Variants in BRD7 observed in about 807,000 individuals in gnomAD.
BRD7 encodes the protein bromodomain containing 7.
A neutral mutation model predicts 82.1 loss-of-function variants in BRD7; 15 were observed. The observed-to-expected ratio is 0.18, with a 90% CI of 0.12 to 0.28. The LOEUF (loss-of-function observed/expected upper bound fraction) is 0.28, where lower values mean the gene tolerates loss of function less well. Among genes scored for constraint, BRD7 ranks in the 10% least tolerant of loss-of-function variants. The pLI is 1.00. For missense variants in BRD7, 638 were observed against 779.9 expected (o/e 0.82, Z 2.17); for synonymous variants, 232 against 266.9 (o/e 0.87, Z 1.27).
At chr16:50,368,377 C>A in intron 1 of BRD7, 79 bp from the exon 2 acceptor site, 2 of 1,452,948 alleles carry the variant, frequency 1.4e-6, no homozygotes, top group Non-Finnish European at 1.9e-6. Context: ...GGATGCAGAG[C>A]GCCAAGGCGC....
At chr16:50,346,766 C>T (rs983044336) in intron 5 of BRD7, among the ~76,000 whole-genome samples, 1 of 151,642 alleles carries the variant, frequency 6.6e-6, no homozygotes, top group Non-Finnish European at 1.5e-5. Flanking sequence ...GAAATTGAGG[C>T]AATAGCCTAC....
intron 4 of BRD7, among the ~76,000 whole-genome samples, chr16:50,353,073 T>TTC (rs2038599841): frequency 3.6e-5 from 1 of 27,844 alleles, no homozygotes; most frequent in Non-Finnish European, 1.0e-4. Context: ...AGTAAGTTCT[T>TTC]TTTTTTTTTT....
At position 50,317,496 on chromosome 16, in the gene BRD7, T is replaced by C. The variant is rs555646856; in HGVS notation, c.*1715A>G. On this transcript the variant is annotated 3_prime_UTR_variant, in exon 17 of 17. Transcript: ENST00000394688. Reference sequence around the variant, plus strand: ...GGTCAGCATATTTGTACTCTTGGAATATTTGTTTTTTTCTTCAGTAACAAC... The same window carrying C: ...GGTCAGCATATTTGTACTCTTGGAACATTTGTTTTTTTCTTCAGTAACAAC... The C allele has an allele frequency of 1.3e-5, 2 of 152,494 alleles. No homozygotes were observed. Among genetic ancestry groups the C allele is most frequent in the African/African-American group, 4.8e-5 (2 of 41,586 alleles). 9.4% of individuals were successfully genotyped at this position (152,494 alleles called of 1,614,324 possible). A position where few individuals can be genotyped will look rare whatever the true frequency, so the allele number is the denominator to read the frequency against.
At chr16:50,329,471 ATGTGG>A (rs757758405) in intron 8 of BRD7, among the ~76,000 whole-genome samples, 2 of 152,228 alleles carry the variant, frequency 1.3e-5, no homozygotes, top group Non-Finnish European at 2.9e-5. Context: ...AAGCTGGAAC[ATGTGG>A]TGAGCTAGTC....
Position 50,368,159 on chromosome 16 carries a change from C to A in BRD7, c.189G>T (p.Arg63=). 10 of 1,614,086 alleles carry A rather than the reference C, an allele frequency of 6.2e-6. No homozygotes were observed. The highest frequency in any genetic ancestry group is 8.5e-6 in the Non-Finnish European group (10 of 1,179,958). The change falls in exon 2 of 17, where the codon CGG becomes CGT. Residue 63 remains arginine, a synonymous_variant. Coordinates refer to ENST00000394688, the MANE Select transcript of BRD7 (RefSeq NM_013263.5). ...GCTTCTCTCCTTTCTTTCTCTTTTT[C>A]CGCTTTCTGTCCTTGTGTTTGTCAT... ...NDHDKHKDRK[R]KKRKKGEKQI...
At chr16:50,321,515 C>T (rs933180262) in intron 13 of BRD7, among the ~76,000 whole-genome samples, 5 of 135,478 alleles carry the variant, frequency 3.7e-5, no homozygotes, top group Non-Finnish European at 7.6e-5. Flanking sequence ...TGTAGTGAGC[C>T]GAGATTGTGC....
Position 50,354,831 on chromosome 16 carries a change from G to A in BRD7, c.350C>T (p.Pro117Leu). Residue 117 changes from proline to leucine, a missense_variant, in exon 3 of 17, where the codon CCT (proline) becomes CTT (leucine). Around this residue, in one of 3 missense-constraint regions of BRD7, gnomAD observed 172 missense variants for 155.3 expected, o/e 1.11. Transcript: ENST00000394688. ...TAAAGAGCTTGTGAGAGGCTTCTCA[G>A]GAGGCAAGTCTAATCTCACAGGGGC... is the stretch of plus-strand genomic sequence containing the variant. ...CHAPVRLDLP[P>L]EKPLTSSLAK... 6.2e-7 allele frequency: 1 copy of A among 1,612,508 alleles called. No individual in the cohort carries two copies. Among genetic ancestry groups the A allele is most frequent in the Non-Finnish European group, 8.5e-7 (1 of 1,179,940 alleles).
At position 50,317,051 on chromosome 16, in the gene BRD7, T is replaced by C. The variant is rs2036832381; in HGVS notation, c.*2160A>G. On this transcript the variant is annotated 3_prime_UTR_variant, in exon 17 of 17. Coordinates refer to ENST00000394688, the MANE Select transcript of BRD7 (RefSeq NM_013263.5). ...GCTGCAAATTAAGAGTACAGCTAAGTGCGGGGGTGGCGGTGGAGGGAACGA... is the reference window on the plus strand; with the variant it reads ...GCTGCAAATTAAGAGTACAGCTAAGCGCGGGGGTGGCGGTGGAGGGAACGA... The C allele has an allele frequency of 6.5e-6, 1 of 152,848 alleles. No individual in the cohort carries two copies. Among genetic ancestry groups the C allele is most frequent in the Non-Finnish European group, 1.5e-5 (1 of 68,120 alleles). The allele number at this position is 152,848 out of a possible 1,614,324, so 9.5% of individuals were successfully genotyped here. A position where few individuals can be genotyped will look rare whatever the true frequency, so the allele number is the denominator to read the frequency against.
chr16:50,334,778 T>C lies in BRD7; in HGVS notation c.820A>G (p.Arg274Gly). 1 of 1,614,070 alleles carries C rather than the reference T, an allele frequency of 6.2e-7. No individual in the cohort carries two copies. The highest frequency in any genetic ancestry group is 8.5e-7 in the Non-Finnish European group (1 of 1,179,948). ...GCATCTCCAGAGTCCTCTCTCTCTC[T>C]CTGCCAGCAGCCTCCGTCCTCCCCA... The part of the protein sequence containing the change: ...QSGEDGGCWQ[R>G]EREDSGDAEA... Residue 274 changes from arginine to glycine, a missense_variant, in exon 7 of 17, where the codon AGA becomes GGA. Around this residue, in one of 3 missense-constraint regions of BRD7, gnomAD observed 402 missense variants for 500.8 expected, o/e 0.80. Transcript: ENST00000394688.
rs1274590812 is a variant in BRD7, at chr16:50,320,231, TG to T, written c.1756+16del. 2.5e-6 allele frequency: 4 copies of T among 1,605,988 alleles called. No homozygotes were observed. Among genetic ancestry groups the T allele is most frequent in the Non-Finnish European group, 3.4e-6 (4 of 1,176,360 alleles). Reference sequence around the variant, plus strand: ...GAAGCATCCCGTGACTCTCCTCTTATGGGAGGCAAAACATACCAAGATGCAT... The same window carrying T: ...GAAGCATCCCGTGACTCTCCTCTTATGGAGGCAAAACATACCAAGATGCAT... On this transcript the variant is annotated intron_variant, in intron 15 of 16. Transcript: ENST00000394688.
intron 2 of BRD7, among the ~76,000 whole-genome samples, chr16:50,361,034 C>T (rs2151206329): frequency 6.6e-6 from 1 of 152,318 alleles, no homozygotes; most frequent in South Asian, 2.1e-4. Flanking sequence ...GTCACTGCTC[C>T]TCTCTAGTTA....
Position 50,334,741 on chromosome 16 carries a change from G to T in BRD7, c.857C>A (p.Ala286Asp). The change falls in exon 7 of 17, where the codon GCC becomes GAC. Residue 286 changes from alanine to aspartate, a missense_variant. Around this residue, in one of 3 missense-constraint regions of BRD7, gnomAD observed 402 missense variants for 500.8 expected, o/e 0.80. Coordinates refer to ENST00000394688, the MANE Select transcript of BRD7 (RefSeq NM_013263.5). Reference protein sequence around the residue: ...REDSGDAEAHAFKSPSKENKK... With the variant: ...REDSGDAEAHDFKSPSKENKK... ...ATTTTCTTTGCTGGGACTCTTGAAGGCGTGTGCTTCGGCATCTCCAGAGTC... is the reference window on the plus strand; with the variant it reads ...ATTTTCTTTGCTGGGACTCTTGAAGTCGTGTGCTTCGGCATCTCCAGAGTC... 1 of 1,613,796 alleles carries T rather than the reference G, an allele frequency of 6.2e-7. No homozygotes were observed. The highest frequency in any genetic ancestry group is 8.5e-7 in the Non-Finnish European group (1 of 1,179,826).
At chr16:50,354,755 C>T (rs547082718) in intron 3 of BRD7, 38 bp downstream of exon 3, 3 of 1,586,756 alleles carry the variant, frequency 1.9e-6, no homozygotes, top group East Asian at 4.5e-5. Context: ...TGATTTCAGC[C>T]TCCTCATTCA....
chr16:50,343,824 C>T (rs2038171770), intron 5 of BRD7, among the ~76,000 whole-genome samples: 2 of 152,308 alleles, frequency 1.3e-5, no homozygotes, highest in South Asian at 2.1e-4. Context: ...TGGGTGGAGC[C>T]TACCTCTGGG....
intron 5 of BRD7, among the ~76,000 whole-genome samples, chr16:50,341,256 T>A (rs1597061285): frequency 6.6e-6 from 1 of 151,616 alleles, no homozygotes; most frequent in East Asian, 1.9e-4. Context: ...TTTTAGTAGG[T>A]TCTTGGTCCC....
At chr16:50,323,838 AC>A (rs1424796922) in intron 11 of BRD7, 140 bp from the exon 12 acceptor site, 1 of 613,344 alleles carries the variant, frequency 1.6e-6, no homozygotes, top group East Asian at 2.8e-5. Flanking sequence ...CATGGTATCT[AC>A]ATATTAATTA....
chr16:50,337,729 CA>C (rs751642060), intron 6 of BRD7, among the ~76,000 whole-genome samples: 51 of 152,118 alleles, frequency 3.4e-4, no homozygotes, highest in Admixed American at 2.7e-3. Context: ...TCTTGGAGCA[CA>C]AACTATTAGA....
At chr16:50,343,798 A>G (rs1406482495) in intron 5 of BRD7, among the ~76,000 whole-genome samples, 1 of 152,194 alleles carries the variant, frequency 6.6e-6, no homozygotes, top group Non-Finnish European at 1.5e-5. Flanking sequence ...AAACAAAGCC[A>G]CCGGGAAGCT....
rs200454171 is a variant in BRD7 at position 50,321,641 on chromosome 16, TA to T, written c.1500+340del. 1.9e-4 allele frequency among the ~76,000 whole-genome samples: 27 copies of T among 142,824 alleles called. 1 individual carries two copies. Among genetic ancestry groups the T allele is most frequent in the Middle Eastern group, 3.6e-3 (1 of 274 alleles). The allele number at this position is 142,824 out of a possible 152,430, so 93.7% of individuals were successfully genotyped here. The stretch of plus-strand genomic sequence containing the variant: ...AATCATTAAGACTCAGGGGTTTCCA[TA>T]ACCTCAACATTACTTTTTAGGAATA... On this transcript the variant is annotated intron_variant, in intron 13 of 16. Coordinates refer to ENST00000394688, the MANE Select transcript of BRD7 (RefSeq NM_013263.5).
Sources: allele counts gnomAD v4.1 joint callset (sites outside exome capture counted in the v4.1 genomes callset), GRCh38; gene constraint gnomAD v4.1.1; regional missense constraint gnomAD v4.1.1; transcripts MANE v1.5; gene names NCBI Gene and HGNC (gene_info 2026-07-23, HGNC 2026-07-21).